Variants in RHOJ observed in about 807,000 individuals in gnomAD.
The protein encoded by RHOJ is ras homolog family member J.
In RHOJ, 11 loss-of-function variants were observed where a neutral mutation model predicts 23.4. The ratio of observed to expected loss-of-function variants is 0.47; its 90% CI spans 0.30 to 0.78. RHOJ has a LOEUF of 0.78. Ranked by LOEUF, RHOJ falls within the 30% of genes least tolerant of loss-of-function variation. The pLI is 0.08. For synonymous variants in RHOJ, 102 were observed against 102.7 expected (o/e 0.99, Z 0.04); for missense variants, 254 against 273.4 (o/e 0.93, Z 0.50).
intron 1 of RHOJ, among the ~76,000 whole-genome samples, chr14:63,217,750 G>T (rs141854886): frequency 0.02 from 3,064 of 152,174 alleles, 116 homozygotes; most frequent in African/African-American, 0.071. Flanking sequence ...AGAGTGAACA[G>T]GCAACCTACA....
intron 1 of RHOJ, among the ~76,000 whole-genome samples, chr14:63,246,064 C>T (rs117623137): frequency 5.3e-5 from 8 of 152,172 alleles, no homozygotes; most frequent in Admixed American, 3.9e-4. Flanking sequence ...CCCTCCTCCA[C>T]CCCAGCTGTC....
At chr14:63,256,337 T>C (rs1196449643) in intron 1 of RHOJ, among the ~76,000 whole-genome samples, 2 of 152,244 alleles carry the variant, frequency 1.3e-5, no homozygotes, top group African/African-American at 4.8e-5. Flanking sequence ...GTTGAATCCC[T>C]ATAGTGGGCC....
chr14:63,229,596 C>T (rs1285332859), intron 1 of RHOJ, among the ~76,000 whole-genome samples: 2 of 152,174 alleles, frequency 1.3e-5, no homozygotes, highest in African/African-American at 2.4e-5. Flanking sequence ...AGGTCACTCG[C>T]AGTCTTTGAC....
intron 2 of RHOJ, among the ~76,000 whole-genome samples, chr14:63,273,471 A>G (rs1895507853): frequency 6.6e-6 from 1 of 152,198 alleles, no homozygotes; most frequent in Admixed American, 6.5e-5. Flanking sequence ...TTTGTTTACA[A>G]TGCTTCAGGA....
At chr14:63,225,132 T>C (rs890643350) in intron 1 of RHOJ, among the ~76,000 whole-genome samples, 2 of 152,138 alleles carry the variant, frequency 1.3e-5, no homozygotes, top group Non-Finnish European at 2.9e-5. Flanking sequence ...TTTGTATTTT[T>C]AGTAGAGACT....
At chr14:63,257,537 C>T (rs1267358713) in intron 1 of RHOJ, among the ~76,000 whole-genome samples, 1 of 150,070 alleles carries the variant, frequency 6.7e-6, no homozygotes, top group Admixed American at 6.6e-5. Flanking sequence ...GAGCCAGGCC[C>T]GAACAGCCTA....
At chr14:63,235,813 A>G (rs1310976138) in intron 1 of RHOJ, among the ~76,000 whole-genome samples, 9 of 152,260 alleles carry the variant, frequency 5.9e-5, no homozygotes, top group Admixed American at 5.9e-4. Context: ...CTGTGTTTAA[A>G]TCAGAAAATT....
chr14:63,227,140 C>G (rs774401397), intron 1 of RHOJ, among the ~76,000 whole-genome samples: 45 of 152,150 alleles, frequency 3.0e-4, no homozygotes, highest in Non-Finnish European at 4.4e-5. Flanking sequence ...TTAGTAGGGA[C>G]GGGGTTTCAC....
At chr14:63,210,580 C>T (rs981244292) in intron 1 of RHOJ, among the ~76,000 whole-genome samples, 2 of 152,186 alleles carry the variant, frequency 1.3e-5, no homozygotes, top group Admixed American at 6.5e-5. Context: ...TGACTCAACG[C>T]GTCCCAACAA....
chr14:63,265,738 C>G (rs1340020268), intron 1 of RHOJ, among the ~76,000 whole-genome samples: 5 of 152,194 alleles, frequency 3.3e-5, no homozygotes, highest in Admixed American at 3.3e-4. Flanking sequence ...ACAGAAGTTA[C>G]AGAGACATAA....
intron 2 of RHOJ, among the ~76,000 whole-genome samples, chr14:63,274,921 G>T (rs1881670312): frequency 6.6e-6 from 1 of 152,140 alleles, no homozygotes. Flanking sequence ...TGAGATAAAT[G>T]TCATTAAACC....
At chr14:63,268,339 A>G (rs1895405232) in intron 1 of RHOJ, among the ~76,000 whole-genome samples, 1 of 152,140 alleles carries the variant, frequency 6.6e-6, no homozygotes, top group Non-Finnish European at 1.5e-5. Flanking sequence ...ACATGTACAG[A>G]GTGGTTGCTG....
intron 1 of RHOJ, among the ~76,000 whole-genome samples, chr14:63,262,339 A>G (rs1448677916): frequency 6.6e-6 from 1 of 152,234 alleles, no homozygotes; most frequent in Non-Finnish European, 1.5e-5. Flanking sequence ...CAGCAAGACC[A>G]GGACTTAGAC....
In RHOJ at chr14:63,232,055, G is replaced by A. The variant is rs574964176; in HGVS notation, c.178+27008G>A. ...ACAGTCATGACAGTTGAGTGCTTAG[G>A]ACACTGGCATGCCCGAGGCAGGGAA... is the stretch of plus-strand genomic sequence containing the variant. On this transcript the variant is annotated intron_variant, in intron 1 of 4. Transcript: ENST00000316754. Among the ~76,000 whole-genome samples the A allele has an allele frequency of 2.6e-5, 4 of 152,282 alleles. No individual in the cohort carries two copies. The South Asian group carries it at 8.3e-4, about 32-fold the overall frequency.
intron 2 of RHOJ, among the ~76,000 whole-genome samples, chr14:63,272,366 C>T (rs1365097408): frequency 1.3e-5 from 2 of 152,134 alleles, no homozygotes; most frequent in Non-Finnish European, 2.9e-5. Flanking sequence ...TTCATTTGGT[C>T]AATTACAATG....
intron 3 of RHOJ, among the ~76,000 whole-genome samples, chr14:63,282,286 G>GCACACACACACACACA (rs36227581): frequency 1.6e-3 from 211 of 133,284 alleles, no homozygotes; most frequent in African/African-American, 5.1e-3. Context: ...ACAAACACAT[G>GCACACACACACACACA]CACACACACA....
chr14:63,255,315 C>G (rs1895144014), intron 1 of RHOJ, among the ~76,000 whole-genome samples: 1 of 152,096 alleles, frequency 6.6e-6, no homozygotes, highest in Non-Finnish European at 1.5e-5. Flanking sequence ...CTGTCCTGAC[C>G]CAGTTGCCTC....
chr14:63,219,977 A>AT (rs1226437563), intron 1 of RHOJ, among the ~76,000 whole-genome samples: 2 of 152,192 alleles, frequency 1.3e-5, no homozygotes, highest in Non-Finnish European at 2.9e-5. Flanking sequence ...TACTATTTAA[A>AT]TTTCATCTTT....
chr14:63,275,149 A>G (rs991143921), intron 2 of RHOJ, among the ~76,000 whole-genome samples: 2 of 152,022 alleles, frequency 1.3e-5, no homozygotes, highest in South Asian at 4.2e-4. Context: ...GCGAGACCCT[A>G]TCTCTACAAC....
Sources: allele counts gnomAD v4.1 joint callset (sites outside exome capture counted in the v4.1 genomes callset), GRCh38; gene constraint gnomAD v4.1.1; transcripts MANE v1.5; gene names NCBI Gene and HGNC (gene_info 2026-07-23, HGNC 2026-07-21).